Variants in ADAMTS19 observed in about 807,000 individuals in gnomAD.
ADAMTS19 encodes ADAM metallopeptidase with thrombospondin type 1 motif 19, also known as A disintegrin and metalloproteinase with thrombospondin motifs 19.
Under a neutral mutation model 153.3 loss-of-function variants are expected in ADAMTS19, and 93 were observed. The observed-to-expected ratio is 0.61, with a 90% CI of 0.51 to 0.72. The LOEUF is 0.72. ADAMTS19 is among the 30% of genes least tolerant of loss of function. The pLI is 0.00. For missense variants in ADAMTS19, 1,482 were observed against 1,552.1 expected (o/e 0.95, Z 0.76); for synonymous variants, 600 against 556.6 (o/e 1.08, Z -1.10).
intron 6 of ADAMTS19, among the ~76,000 whole-genome samples, chr5:129,533,098 A>T (rs144224110): frequency 0.022 from 3,305 of 152,092 alleles, 116 homozygotes; most frequent in African/African-American, 0.077. Context: ...GTGAGACTCC[A>T]CCACAAAAAA....
intron 14 of ADAMTS19, among the ~76,000 whole-genome samples, chr5:129,658,354 AAAGAAAGAAAGAAAG>A: frequency 6.7e-6 from 1 of 150,102 alleles, no homozygotes; most frequent in South Asian, 2.1e-4. Context: ...AGAAAGAAAG[AAAGAAAGAAAGAAAG>A]AGAGAGAGGA....
chr5:129,721,238 ATCT>A (rs1756994669), intron 21 of ADAMTS19, among the ~76,000 whole-genome samples: 1 of 152,224 alleles, frequency 6.6e-6, no homozygotes, highest in Non-Finnish European at 1.5e-5. Context: ...CATGAAGATG[ATCT>A]TGATAAAAAT....
intron 8 of ADAMTS19, among the ~76,000 whole-genome samples, chr5:129,613,626 T>C (rs1437140676): frequency 1.3e-5 from 2 of 151,816 alleles, no homozygotes; most frequent in South Asian, 2.1e-4. Context: ...ATTAAAAGAA[T>C]TAGTGAAGCA....
chr5:129,672,377 G>A (rs1274250303), intron 16 of ADAMTS19, among the ~76,000 whole-genome samples: 1 of 152,112 alleles, frequency 6.6e-6, no homozygotes. Flanking sequence ...AGAACCCTTA[G>A]ATACTAAAAA....
chr5:129,695,991 G>C (rs1437079779), intron 19 of ADAMTS19, among the ~76,000 whole-genome samples: 2 of 152,084 alleles, frequency 1.3e-5, no homozygotes, highest in Admixed American at 6.6e-5. Flanking sequence ...ACAAAGAGTA[G>C]GTATGGGGGA....
intron 18 of ADAMTS19, among the ~76,000 whole-genome samples, chr5:129,693,139 T>C (rs562216247): frequency 6.6e-6 from 1 of 152,136 alleles, no homozygotes; most frequent in Non-Finnish European, 1.5e-5. Flanking sequence ...GGTAGGACTA[T>C]GCTCAGAGCT....
Position 129,704,319 on chromosome 5 carries a change from C to A in ADAMTS19, c.3240C>A (p.Thr1080=), listed in dbSNP as rs551467821. ...TNPRKKCVLS[T]RPREAEDCED... ...CAAGAAAGAAGTGTGTCCTCTCTAC[C>A]AGACCCAGGGAGGCTGAAGACTGTG... is the stretch of plus-strand genomic sequence containing the variant. The change falls in exon 21 of 23, where the codon ACC becomes ACA. Residue 1080 remains threonine (T), a synonymous_variant. Coordinates refer to ENST00000274487, the MANE Select transcript of ADAMTS19 (RefSeq NM_133638.6). 6.2e-7 allele frequency: 1 copy of A among 1,614,122 alleles called. No homozygotes were observed. Among genetic ancestry groups the A allele is most frequent in the Non-Finnish European group, 8.5e-7 (1 of 1,179,996 alleles).
intron 2 of ADAMTS19, among the ~76,000 whole-genome samples, chr5:129,475,111 T>A (rs536359003): frequency 6.6e-6 from 1 of 152,156 alleles, no homozygotes; most frequent in East Asian, 1.9e-4. Context: ...TTATCTTTTT[T>A]TTTTTTAATG....
chr5:129,689,041 T>A (rs1190202979), intron 18 of ADAMTS19, among the ~76,000 whole-genome samples: 2 of 152,212 alleles, frequency 1.3e-5, no homozygotes, highest in Non-Finnish European at 1.5e-5. Flanking sequence ...ATTAACTGCA[T>A]AACTTTAAGA....
chr5:129,647,042 G>T (rs989335120), intron 11 of ADAMTS19, among the ~76,000 whole-genome samples: 6 of 151,848 alleles, frequency 4.0e-5, no homozygotes, highest in Non-Finnish European at 8.8e-5. Flanking sequence ...AAATAAAAAA[G>T]AGAATGACTA....
In ADAMTS19 at chr5:129,632,364, T is replaced by TAG. The variant is rs1395497004; in HGVS notation, c.1771-9493_1771-9492dup. Among the ~76,000 whole-genome samples the TAG allele has an allele frequency of 1.8e-4, 27 of 151,882 alleles. 1 individual carries two copies. The highest frequency in any genetic ancestry group is 6.0e-4 in the African/African-American group (25 of 41,434). ...TAGTCATGATATATATATATAGATA[T>TAG]AGATATAATATAGCATCTGTGTACA... On this transcript the variant is annotated intron_variant, in intron 10 of 22. Transcript: ENST00000274487.
At position 129,527,831 on chromosome 5, in the gene ADAMTS19, A is replaced by T; in HGVS notation, c.1170A>T (p.Pro390=). The change falls in exon 5 of 23, where the codon CCA becomes CCT. Residue 390 remains proline, a splice_region_variant and synonymous_variant. Coordinates refer to ENST00000274487, the MANE Select transcript of ADAMTS19 (RefSeq NM_133638.6). ...VIKLILLHET[P]PELYIGHHGE... The stretch of plus-strand genomic sequence containing the variant: ...AGCTTATTCTGCTCCATGAAACTCC[A>T]GTAAGAAAGTCTTGAGTTTTTTATT... 6.4e-7 allele frequency: 1 copy of T among 1,570,910 alleles called. No homozygotes were observed. The highest frequency in any genetic ancestry group is 8.7e-7 in the Non-Finnish European group (1 of 1,148,604).
At chr5:129,608,140 A>ATATATATATATATATAT (rs1164899419) in intron 8 of ADAMTS19, among the ~76,000 whole-genome samples, 413 of 132,510 alleles carry the variant, frequency 3.1e-3, no homozygotes, top group South Asian at 5.7e-3. Flanking sequence ...ATATATATAT[A>ATATATATATATATATAT]ATGGAACATT....
chr5:129,581,461 T>C (rs1177054683), intron 7 of ADAMTS19, among the ~76,000 whole-genome samples: 1 of 152,142 alleles, frequency 6.6e-6, no homozygotes, highest in Non-Finnish European at 1.5e-5. Flanking sequence ...CTTTGTCATT[T>C]TTTATTGTGT....
chr5:129,717,561 C>T (rs1442916296), intron 21 of ADAMTS19, among the ~76,000 whole-genome samples: 2 of 152,076 alleles, frequency 1.3e-5, no homozygotes, highest in African/African-American at 4.8e-5. Flanking sequence ...TAACAGAATA[C>T]TTGAGACCAA....
chr5:129,610,038 A>G (rs1175681292), intron 8 of ADAMTS19, among the ~76,000 whole-genome samples: 1 of 152,030 alleles, frequency 6.6e-6, no homozygotes, highest in East Asian at 1.9e-4. Flanking sequence ...AAAGGAAGTA[A>G]AAAGAAAATA....
At chr5:129,547,595 G>T (rs1217361368) in intron 6 of ADAMTS19, among the ~76,000 whole-genome samples, 1 of 150,308 alleles carries the variant, frequency 6.7e-6, no homozygotes, top group African/African-American at 2.5e-5. Flanking sequence ...AATATAACTT[G>T]GCATTGAATC....
intron 19 of ADAMTS19, among the ~76,000 whole-genome samples, chr5:129,700,461 T>C (rs1053151918): frequency 5.9e-5 from 9 of 152,180 alleles, no homozygotes; most frequent in Non-Finnish European, 1.5e-5. Flanking sequence ...TGGTGATTGC[T>C]TTATCCAGGT....
At chr5:129,698,598 T>C (rs537719421) in intron 19 of ADAMTS19, among the ~76,000 whole-genome samples, 62 of 152,342 alleles carry the variant, frequency 4.1e-4, no homozygotes, top group African/African-American at 1.5e-3. Context: ...TTTCAGTGGT[T>C]TTCATAAGGA....
Sources: gnomAD v4.1 joint callset for allele counts (sites outside exome capture counted in the v4.1 genomes callset) on GRCh38, gnomAD v4.1.1 for gene constraint, MANE v1.5 for transcripts, NCBI Gene and HGNC (gene_info 2026-07-23, HGNC 2026-07-21) for gene names.